The following FAF1 variants were observed in gnomAD, a reference collection of about 807,000 sequenced individuals.
FAF1 encodes the protein Fas associated factor 1, also known as FAS-associated factor 1.
In FAF1, 25 loss-of-function variants were observed where a neutral mutation model predicts 92.5. The observed-to-expected ratio is 0.27, with a 90% CI of 0.20 to 0.38. The LOEUF (loss-of-function observed/expected upper bound fraction) is 0.38. Among genes scored for constraint, FAF1 ranks in the 10% least tolerant of loss-of-function variants. FAF1 has a pLI of 1.00. For synonymous variants in FAF1, 234 were observed against 273.2 expected (o/e 0.86, Z 1.42); for missense variants, 636 against 793.3 (o/e 0.80, Z 2.38).
chr1:50,920,045 A>G (rs1644950633), intron 1 of FAF1, among the ~76,000 whole-genome samples: 1 of 152,070 alleles, frequency 6.6e-6, no homozygotes, highest in African/African-American at 2.4e-5. Flanking sequence ...CACACCTGTA[A>G]TCCCAACACT....
At chr1:50,666,198 G>A (rs976003872) in intron 7 of FAF1, among the ~76,000 whole-genome samples, 18 of 151,596 alleles carry the variant, frequency 1.2e-4, no homozygotes, top group African/African-American at 3.9e-4. Context: ...ACAGGCATAA[G>A]CAACCGCGCC....
At chr1:50,545,571 A>G (rs1648971924) in intron 13 of FAF1, among the ~76,000 whole-genome samples, 1 of 152,024 alleles carries the variant, frequency 6.6e-6, no homozygotes, top group African/African-American at 2.4e-5. Flanking sequence ...ATGCCCACCT[A>G]AAGCTATATT....
intron 18 of FAF1, among the ~76,000 whole-genome samples, chr1:50,455,568 G>C (rs974452689): frequency 1.3e-5 from 2 of 152,148 alleles, no homozygotes; most frequent in African/African-American, 4.8e-5. Context: ...GAAGAGAGTT[G>C]TCAATGGGGC....
intron 2 of FAF1, among the ~76,000 whole-genome samples, chr1:50,847,126 C>G (rs12140874): frequency 6.6e-6 from 1 of 152,130 alleles, no homozygotes; most frequent in South Asian, 2.1e-4. Flanking sequence ...TAACACCATT[C>G]TGAAGAGCAA....
At chr1:50,928,299 T>A (rs929554944) in intron 1 of FAF1, among the ~76,000 whole-genome samples, 1 of 152,150 alleles carries the variant, frequency 6.6e-6, no homozygotes, top group Non-Finnish European at 1.5e-5. Context: ...AATGGAAAAG[T>A]CTAAGAAAGT....
chr1:50,671,322 T>C (rs1655865614), intron 7 of FAF1, among the ~76,000 whole-genome samples: 1 of 151,844 alleles, frequency 6.6e-6, no homozygotes, highest in Non-Finnish European at 1.5e-5. Context: ...GGAGAATCAC[T>C]TGAAACCGGG....
chr1:50,865,960 T>C (rs946771733), intron 1 of FAF1, among the ~76,000 whole-genome samples: 1 of 151,124 alleles, frequency 6.6e-6, no homozygotes, highest in Non-Finnish European at 1.5e-5. Context: ...CTACAACTGA[T>C]ACTAACCAAA....
intron 2 of FAF1, among the ~76,000 whole-genome samples, chr1:50,833,479 C>A (rs757657439): frequency 6.6e-6 from 1 of 152,126 alleles, no homozygotes; most frequent in Non-Finnish European, 1.5e-5. Flanking sequence ...ACTGCATTCA[C>A]CAATCTGGAA....
At chr1:50,518,069 G>A (rs2149028009) in intron 15 of FAF1, among the ~76,000 whole-genome samples, 1 of 152,194 alleles carries the variant, frequency 6.6e-6, no homozygotes, top group South Asian at 2.1e-4. Context: ...ATCAGGATAC[G>A]AAACAGTTTC....
At chr1:50,744,334 G>A (rs1297433062) in intron 5 of FAF1, among the ~76,000 whole-genome samples, 2 of 152,222 alleles carry the variant, frequency 1.3e-5, no homozygotes, top group East Asian at 1.9e-4. Flanking sequence ...GGACCAATAT[G>A]TAATTGCTCA....
chr1:50,801,747 T>C lies in FAF1; in HGVS notation c.115-70A>G, dbSNP rs530226549. On this transcript the variant is annotated intron_variant, in intron 2 of 18. Transcript: ENST00000396153. The stretch of plus-strand genomic sequence containing the variant: ...TGCCCAAGTGTGGTGGAGAACACTT[T>C]AAAAGGAAATAAGTATATTTTTAAA... The C allele has an allele frequency of 9.4e-6, 8 of 846,844 alleles. No homozygotes were observed. The East Asian group carries it at 1.9e-4, about 21-fold the overall frequency. The allele number at this position is 846,844 out of a possible 1,614,324, so 52.5% of individuals were successfully genotyped here.
intron 2 of FAF1, among the ~76,000 whole-genome samples, chr1:50,832,263 G>C (rs181257923): frequency 2.1e-4 from 32 of 152,256 alleles, no homozygotes; most frequent in African/African-American, 7.0e-4. Flanking sequence ...TAAAAAGGTT[G>C]GGGACTGCTG....
At chr1:50,461,959 G>C (rs1370037872) in intron 18 of FAF1, among the ~76,000 whole-genome samples, 1 of 147,482 alleles carries the variant, frequency 6.8e-6, no homozygotes, top group Non-Finnish European at 1.5e-5. Context: ...CATCACACCA[G>C]CTATACTATT....
intron 8 of FAF1, among the ~76,000 whole-genome samples, chr1:50,654,326 A>G (rs1392760189): frequency 6.6e-6 from 1 of 152,194 alleles, no homozygotes; most frequent in African/African-American, 2.4e-5. Flanking sequence ...TTTAAAAATT[A>G]GATGTAACTT....
At chr1:50,954,653 G>T (rs1460163305) in intron 1 of FAF1, among the ~76,000 whole-genome samples, 1 of 146,172 alleles carries the variant, frequency 6.8e-6, no homozygotes, top group African/African-American at 2.5e-5. Flanking sequence ...TGATTCTCCT[G>T]CCTCAGCCTC....
intron 8 of FAF1, among the ~76,000 whole-genome samples, chr1:50,632,036 T>G (rs911211827): frequency 3.9e-5 from 6 of 152,198 alleles, no homozygotes; most frequent in African/African-American, 4.8e-5. Flanking sequence ...GTTGGTATTA[T>G]CAGTAGTTTC....
rs973463164 is a variant in FAF1 at position 50,763,383 on chromosome 1, C to T, written c.368-18608G>A. Among the ~76,000 whole-genome samples the T allele has an allele frequency of 7.2e-5, 11 of 152,072 alleles. No individual in the cohort carries two copies. The South Asian group carries it at 2.3e-3, about 32-fold the overall frequency. Reference sequence around the variant, plus strand: ...TTTTTAACAATTTGATAATGATGTGCCTTGATGCGGTTTCCTCTGAGTTAC... The same window carrying T: ...TTTTTAACAATTTGATAATGATGTGTCTTGATGCGGTTTCCTCTGAGTTAC... On this transcript the variant is annotated intron_variant, in intron 4 of 18. Transcript: ENST00000396153.
At position 50,720,000 on chromosome 1, in the gene FAF1, C is replaced by CT. The variant is rs202064951; in HGVS notation, c.552-14110dup. Reference sequence around the variant, plus strand: ...TGTCCTCTTCTTAAAATTAAACACACTTTTTTTTTTTTTTTCTTTGAGAAG... The same window carrying CT: ...TGTCCTCTTCTTAAAATTAAACACACTTTTTTTTTTTTTTTTCTTTGAGAAG... On this transcript the variant is annotated intron_variant, in intron 6 of 18. Coordinates refer to ENST00000396153, the MANE Select transcript of FAF1 (RefSeq NM_007051.3). Among the ~76,000 whole-genome samples, 629 of 144,160 alleles carry CT rather than the reference C, an allele frequency of 4.4e-3. 1 individual carries two copies. The highest frequency in any genetic ancestry group is 9.5e-3 in the African/African-American group (375 of 39,446). 94.6% of individuals were successfully genotyped at this position (144,160 alleles called of 152,430 possible). A position where few individuals can be genotyped will look rare whatever the true frequency, so the allele number is the denominator to read the frequency against.
intron 4 of FAF1, among the ~76,000 whole-genome samples, chr1:50,769,612 T>C (rs1480944036): frequency 1.3e-5 from 2 of 152,242 alleles, no homozygotes; most frequent in African/African-American, 4.8e-5. Flanking sequence ...AAGTGGACTT[T>C]ATCCCTGGGA....
Sources: allele counts gnomAD v4.1 joint callset (sites outside exome capture counted in the v4.1 genomes callset), GRCh38; gene constraint gnomAD v4.1.1; transcripts MANE v1.5; gene names NCBI Gene and HGNC (gene_info 2026-07-23, HGNC 2026-07-21).